The following CAPN13 variants were observed in gnomAD, a reference collection of about 807,000 sequenced individuals.
CAPN13 encodes calpain-13.
In CAPN13, 90 loss-of-function variants were observed where a neutral mutation model predicts 98.4. That is an observed-to-expected ratio of 0.92 (90% confidence interval 0.77 to 1.09). The LOEUF is 1.09. Ranked by LOEUF, CAPN13 falls within the 50% of genes least tolerant of loss-of-function variation. CAPN13 has a pLI of 0.00. For synonymous variants in CAPN13, 330 were observed against 305.5 expected (o/e 1.08, Z -0.84); for missense variants, 887 against 841.3 (o/e 1.05, Z -0.67).
Position 30,754,468 on chromosome 2 carries a change from G to A in CAPN13, c.867-104C>T, listed in dbSNP as rs369470320. 40 of 896,882 alleles carry A rather than the reference G, an allele frequency of 4.5e-5. 1 individual carries two copies. The highest frequency in any genetic ancestry group is 3.8e-4 in the African/African-American group (22 of 57,790). 55.6% of individuals were successfully genotyped at this position (896,882 alleles called of 1,614,324 possible). ...CTCTGTACATGTCACCATTCCTGGG[G>A]AGCACAGGGCAAGTGTCATCCTACC... On this transcript the variant is annotated intron_variant, in intron 8 of 22. Coordinates refer to ENST00000295055, the MANE Select transcript of CAPN13 (RefSeq NM_144575.3).
intron 1 of CAPN13, among the ~76,000 whole-genome samples, chr2:30,795,362 A>C (rs1296185656): frequency 6.6e-6 from 1 of 152,122 alleles, no homozygotes; most frequent in Non-Finnish European, 1.5e-5. Context: ...AGGTTGTACC[A>C]ATTTATAATT....
At chr2:30,744,590 T>A (rs1229325523) in intron 12 of CAPN13, among the ~76,000 whole-genome samples, 1 of 152,174 alleles carries the variant, frequency 6.6e-6, no homozygotes, top group Non-Finnish European at 1.5e-5. Flanking sequence ...ATGCCTCCTA[T>A]AATTAGAAGG....
intron 5 of CAPN13, among the ~76,000 whole-genome samples, chr2:30,769,841 A>C (rs1673306141): frequency 6.6e-6 from 1 of 151,830 alleles, no homozygotes; most frequent in African/African-American, 2.4e-5. Flanking sequence ...ACCCCTGATG[A>C]TGTCTTTATT....
chr2:30,731,435 G>A (rs1671090063), intron 20 of CAPN13, 36 bp from the exon 21 acceptor site: 20 of 1,586,440 alleles, frequency 1.3e-5, no homozygotes, highest in Non-Finnish European at 1.7e-5. Flanking sequence ...ACTGACTGAG[G>A]AGGAAGGAAT....
chr2:30,740,717 T>C (rs1671610611), intron 15 of CAPN13, among the ~76,000 whole-genome samples: 1 of 152,252 alleles, frequency 6.6e-6, no homozygotes, highest in Admixed American at 6.5e-5. Context: ...TGGCTGTTGT[T>C]TGGAAAAGTC....
At chr2:30,757,068 C>G (rs1672489000) in intron 8 of CAPN13, among the ~76,000 whole-genome samples, 1 of 152,212 alleles carries the variant, frequency 6.6e-6, no homozygotes, top group Non-Finnish European at 1.5e-5. Flanking sequence ...ATTGATTTCA[C>G]TGTGTGCTGG....
At chr2:30,745,871 T>C in intron 11 of CAPN13, 137 bp from the exon 12 acceptor site, 1 of 672,826 alleles carries the variant, frequency 1.5e-6, no homozygotes, top group Non-Finnish European at 2.4e-6. Flanking sequence ...AGAATTTATT[T>C]TATATCTGTT....
chr2:30,752,353 T>C (rs1013498213), intron 10 of CAPN13, among the ~76,000 whole-genome samples: 6 of 152,236 alleles, frequency 3.9e-5, no homozygotes, highest in Non-Finnish European at 5.9e-5. Context: ...AGCACACTCT[T>C]GTTCGTCTTC....
At chr2:30,804,833 G>A (rs943781196) in intron 1 of CAPN13, among the ~76,000 whole-genome samples, 1 of 152,186 alleles carries the variant, frequency 6.6e-6, no homozygotes, top group African/African-American at 2.4e-5. Context: ...AGATGGAATG[G>A]ACCAGCCTAT....
intron 1 of CAPN13, among the ~76,000 whole-genome samples, chr2:30,806,970 G>A (rs1052131842): frequency 7.9e-5 from 12 of 152,108 alleles, no homozygotes; most frequent in African/African-American, 2.9e-4. Flanking sequence ...TGTCCCTTAC[G>A]GTGAACACAG....
intron 8 of CAPN13, among the ~76,000 whole-genome samples, chr2:30,756,501 G>T (rs959680758): frequency 2.0e-5 from 3 of 152,170 alleles, no homozygotes; most frequent in Non-Finnish European, 4.4e-5. Flanking sequence ...TATTTAGCAT[G>T]GGAAACACGG....
chr2:30,800,107 A>AAAAG, intron 1 of CAPN13, among the ~76,000 whole-genome samples: 2 of 120,014 alleles, frequency 1.7e-5, no homozygotes, highest in African/African-American at 6.9e-5. Context: ...AGAAAGAAAG[A>AAAAG]AAAGAAAGAA....
At chr2:30,804,266 C>G (rs1675470867) in intron 1 of CAPN13, among the ~76,000 whole-genome samples, 1 of 152,116 alleles carries the variant, frequency 6.6e-6, no homozygotes, top group South Asian at 2.1e-4. Context: ...AGTGGCGCAA[C>G]CTCGGCTCAC....
intron 10 of CAPN13, among the ~76,000 whole-genome samples, chr2:30,752,280 C>G (rs752444642): frequency 4.5e-4 from 68 of 152,328 alleles, no homozygotes; most frequent in South Asian, 8.3e-4. Flanking sequence ...TGCAAACACA[C>G]AACAAACACA....
chr2:30,739,284 C>T (rs542532115), intron 15 of CAPN13, among the ~76,000 whole-genome samples: 55 of 152,054 alleles, frequency 3.6e-4, no homozygotes, highest in Non-Finnish European at 7.2e-4. Context: ...GGGGAGCTGG[C>T]GCTGGAAAGA....
intron 4 of CAPN13, among the ~76,000 whole-genome samples, chr2:30,775,089 TA>T (rs1365935356): frequency 6.6e-6 from 1 of 152,176 alleles, no homozygotes; most frequent in African/African-American, 2.4e-5. Context: ...CAGATAATAT[TA>T]TTAGATAACT....
chr2:30,734,892 C>T (rs1671281804), intron 18 of CAPN13, among the ~76,000 whole-genome samples: 1 of 152,196 alleles, frequency 6.6e-6, no homozygotes, highest in Admixed American at 6.5e-5. Context: ...GACTATTTAC[C>T]AGCTGTATTA....
intron 22 of CAPN13, among the ~76,000 whole-genome samples, chr2:30,727,876 T>G (rs1670914865): frequency 6.6e-6 from 1 of 152,064 alleles, no homozygotes; most frequent in Non-Finnish European, 1.5e-5. Flanking sequence ...GCAGGATTAT[T>G]AATGACAGTC....
chr2:30,768,176 G>A (rs936770924), intron 5 of CAPN13, among the ~76,000 whole-genome samples: 1 of 152,162 alleles, frequency 6.6e-6, no homozygotes, highest in Admixed American at 6.5e-5. Context: ...CTGTCCCTTT[G>A]TAGCCACTTG....
Sources: gnomAD v4.1 joint callset for allele counts (sites outside exome capture counted in the v4.1 genomes callset) on GRCh38, gnomAD v4.1.1 for gene constraint, MANE v1.5 for transcripts, NCBI Gene and HGNC (gene_info 2026-07-23, HGNC 2026-07-21) for gene names.